CDH7: variants seen among roughly 807,000 people sequenced by gnomAD.
CDH7 encodes the protein cadherin-7.
A neutral mutation model predicts 71.8 loss-of-function variants in CDH7; 25 were observed. The ratio of observed to expected loss-of-function variants is 0.35; its 90% CI spans 0.25 to 0.49. The LOEUF (loss-of-function observed/expected upper bound fraction) is 0.49, where lower values mean the gene tolerates loss of function less well. CDH7 is among the 20% of genes least tolerant of loss of function. CDH7 has a pLI of 0.99. For synonymous variants in CDH7, 381 were observed against 363.8 expected (o/e 1.05, Z -0.54); for missense variants, 862 against 974.6 (o/e 0.88, Z 1.54).
intron 6 of CDH7, among the ~76,000 whole-genome samples, chr18:65,839,085 C>T (rs924762515): frequency 1.3e-5 from 2 of 152,124 alleles, no homozygotes; most frequent in East Asian, 1.9e-4. Context: ...TAACATCATA[C>T]AGTTGATGGA....
At chr18:65,766,518 G>A (rs900645359) in intron 2 of CDH7, among the ~76,000 whole-genome samples, 2 of 152,046 alleles carry the variant, frequency 1.3e-5, no homozygotes, top group Non-Finnish European at 2.9e-5. Context: ...GCTAGACTCC[G>A]ATGGTGCAAC....
intron 2 of CDH7, among the ~76,000 whole-genome samples, chr18:65,785,983 C>T (rs1020054414): frequency 6.6e-6 from 1 of 152,146 alleles, no homozygotes; most frequent in Admixed American, 6.5e-5. Flanking sequence ...ATTGCACCTG[C>T]GTGTTTCCCG....
chr18:65,869,582 G>A (rs2628204), intron 11 of CDH7, among the ~76,000 whole-genome samples: 1 of 127,356 alleles, frequency 7.9e-6, no homozygotes, highest in African/African-American at 3.0e-5. Flanking sequence ...TATTGAAGAC[G>A]CACTTCTTTG....
chr18:65,872,765 T>C (rs1396031884), intron 11 of CDH7, among the ~76,000 whole-genome samples: 1 of 151,924 alleles, frequency 6.6e-6, no homozygotes, highest in Non-Finnish European at 1.5e-5. Context: ...CATGGTGGCA[T>C]GCACCCAAAG....
chr18:65,839,465 C>T (rs1912649733), intron 6 of CDH7, among the ~76,000 whole-genome samples: 1 of 152,166 alleles, frequency 6.6e-6, no homozygotes, highest in Admixed American at 6.6e-5. Flanking sequence ...TTAAATCCCA[C>T]AGGTCCCACC....
chr18:65,811,009 G>A (rs1222086844), intron 3 of CDH7, among the ~76,000 whole-genome samples: 1 of 151,962 alleles, frequency 6.6e-6, no homozygotes, highest in Admixed American at 6.6e-5. Flanking sequence ...ATAGTTTACA[G>A]CAAGTATGTA....
intron 2 of CDH7, among the ~76,000 whole-genome samples, chr18:65,781,783 C>CTTCT (rs1910210875): frequency 1.5e-5 from 1 of 66,286 alleles, no homozygotes; most frequent in African/African-American, 9.0e-5. Flanking sequence ...TCCTTCCTTC[C>CTTCT]TTCCTTCCTT....
chr18:65,826,376 C>A (rs1912131863), intron 6 of CDH7, among the ~76,000 whole-genome samples: 2 of 150,332 alleles, frequency 1.3e-5, no homozygotes, highest in South Asian at 2.1e-4. Flanking sequence ...TTATTAGGAC[C>A]CTGAAAATAT....
chr18:65,808,092 C>T (rs1479305337), intron 2 of CDH7, among the ~76,000 whole-genome samples: 2 of 152,150 alleles, frequency 1.3e-5, no homozygotes, highest in Non-Finnish European at 2.9e-5. Context: ...TCAGTTTCCT[C>T]GTCTGTTAGT....
rs987038816 is a variant in CDH7, at chr18:65,758,008, G to A, written c.-196-4639G>A. 2.6e-5 allele frequency among the ~76,000 whole-genome samples: 4 copies of A among 152,214 alleles called. No homozygotes were observed. In the East Asian group the frequency reaches 7.7e-4, roughly 29 times the overall value. On this transcript the variant is annotated intron_variant, in intron 1 of 11. Transcript: ENST00000397968. ...GTGTTTTTGCTTTAGGCACAGATTT[G>A]TGAGGCAATATTTAATCCATTGTGA...
chr18:65,856,362 G>A (rs1039981589), intron 7 of CDH7, among the ~76,000 whole-genome samples: 2 of 152,106 alleles, frequency 1.3e-5, no homozygotes, highest in South Asian at 2.1e-4. Flanking sequence ...AGGGCTCATA[G>A]TACATAAATT....
intron 2 of CDH7, among the ~76,000 whole-genome samples, chr18:65,806,120 G>T (rs1468668188): frequency 6.6e-6 from 1 of 152,018 alleles, no homozygotes; most frequent in Non-Finnish European, 1.5e-5. Context: ...TGCATTCATG[G>T]TCTATGTAGT....
At chr18:65,870,520 A>G (rs993335212) in intron 11 of CDH7, among the ~76,000 whole-genome samples, 9 of 152,088 alleles carry the variant, frequency 5.9e-5, no homozygotes, top group African/African-American at 1.7e-4. Context: ...AATGTTTCTC[A>G]TGGTCCACAA....
At position 65,862,795 on chromosome 18, in the gene CDH7, G is replaced by C; in HGVS notation, c.1742G>C (p.Arg581Pro). 6.2e-7 allele frequency: 1 copy of C among 1,614,100 alleles called. No individual in the cohort carries two copies. The highest frequency in any genetic ancestry group is 8.5e-7 in the Non-Finnish European group (1 of 1,180,008). ...SLSSTNTLTI[R>P]VCDCDADGVA... ...AGCAGCACCAACACCCTCACCATCC[G>C]CGTGTGTGACTGTGATGCTGACGGC... Residue 581 changes from arginine to proline, a missense_variant, in exon 11 of 12, where the codon CGC becomes CCC. Arg to Pro is a moderately radical substitution (Grantham distance 103). Transcript: ENST00000397968.
chr18:65,814,454 T>C, intron 3 of CDH7, 31 bp from the exon 4 acceptor site: 1 of 1,613,540 alleles, frequency 6.2e-7, no homozygotes, highest in South Asian at 1.1e-5. Flanking sequence ...TTGGAAGTTT[T>C]TAATTCAGTG....
chr18:65,867,035 AT>A (rs11381508), intron 11 of CDH7, among the ~76,000 whole-genome samples: 151 of 134,170 alleles, frequency 1.1e-3, no homozygotes, highest in African/African-American at 1.8e-3. Context: ...GGTATTCTAA[AT>A]TTTTTTTTTT....
chr18:65,770,392 A>G (rs1038840980), intron 2 of CDH7, among the ~76,000 whole-genome samples: 8 of 152,190 alleles, frequency 5.3e-5, no homozygotes, highest in Admixed American at 5.2e-4. Context: ...CAAATGAAAC[A>G]TTGTTTTGGA....
At chr18:65,789,560 A>T (rs1024730777) in intron 2 of CDH7, among the ~76,000 whole-genome samples, 1 of 152,124 alleles carries the variant, frequency 6.6e-6, no homozygotes, top group Non-Finnish European at 1.5e-5. Flanking sequence ...TTACAGTCAA[A>T]GTCTGTAACA....
intron 3 of CDH7, among the ~76,000 whole-genome samples, chr18:65,813,309 G>T (rs1159330000): frequency 6.6e-6 from 1 of 152,134 alleles, no homozygotes; most frequent in Non-Finnish European, 1.5e-5. Context: ...TCCAGCCTGG[G>T]CAAGAAGAGC....
Sources: allele counts gnomAD v4.1 joint callset (sites outside exome capture counted in the v4.1 genomes callset), GRCh38; gene constraint gnomAD v4.1.1; transcripts MANE v1.5; gene names NCBI Gene and HGNC (gene_info 2026-07-23, HGNC 2026-07-21).